Variants in SH2D4B observed in about 807,000 individuals in gnomAD.
SH2D4B encodes the protein SH2 domain-containing protein 4B.
SH2D4B carries 45 observed loss-of-function variants against 61.5 expected under a neutral mutation model. That is an observed-to-expected ratio of 0.73 (90% CI 0.58 to 0.94). SH2D4B has a LOEUF of 0.94. SH2D4B is among the 40% of genes least tolerant of loss of function. The pLI, the probability that SH2D4B is intolerant of heterozygous loss-of-function variation, is 0.00. For synonymous variants in SH2D4B, 224 were observed against 220.4 expected (o/e 1.02, Z -0.14); for missense variants, 572 against 574.2 (o/e 1.00, Z 0.04).
rs1198574578 is a variant in SH2D4B, at chr10:80,609,504, G to A, written c.941G>A (p.Arg314Gln). The A allele has an allele frequency of 1.1e-5, 18 of 1,614,100 alleles. No individual in the cohort carries two copies. The highest frequency in any genetic ancestry group is 2.2e-5 in the East Asian group (1 of 44,882). Residue 314 changes from arginine to glutamine, a missense_variant, in exon 6 of 8, where the codon CGA becomes CAA. Coordinates refer to ENST00000646907, the MANE Select transcript of SH2D4B (RefSeq NM_001388272.1). The part of the protein sequence containing the change: ...RWFKEEQLPR[R>Q]AGFERNTKFI... ...TTTAAGGAGGAGCAGCTGCCTCGCC[G>A]AGCTGGCTTCGAGAGGAACACCAAG...
Position 80,585,125 on chromosome 10 carries a change from A to G in SH2D4B, c.496-3505A>G, listed in dbSNP as rs149849174. Among the ~76,000 whole-genome samples the G allele has an allele frequency of 1.7e-3, 255 of 152,296 alleles. 1 individual carries two copies. Among genetic ancestry groups the G allele is most frequent in the African/African-American group, 5.9e-3 (246 of 41,566 alleles). ...ATACACACAGGTATAACTTTTTTAG[A>G]GCTCAGGAGTGGGACAGAAATGGGA... On this transcript the variant is annotated intron_variant, in intron 3 of 7. Coordinates refer to ENST00000646907, the MANE Select transcript of SH2D4B (RefSeq NM_001388272.1).
intron 5 of SH2D4B, among the ~76,000 whole-genome samples, chr10:80,606,229 A>G (rs923685388): frequency 6.7e-6 from 1 of 150,236 alleles, no homozygotes; most frequent in Non-Finnish European, 1.5e-5. Flanking sequence ...GCTTTGGGCC[A>G]AGTGGCCTCG....
At chr10:80,572,987 T>TATATTTA (rs1491317353) in intron 3 of SH2D4B, among the ~76,000 whole-genome samples, 1 of 4,548 alleles carries the variant, frequency 2.2e-4, no homozygotes, top group Non-Finnish European at 4.3e-4. Flanking sequence ...TATATATATA[T>TATATTTA]TTTTTTTTTT....
intron 3 of SH2D4B, among the ~76,000 whole-genome samples, chr10:80,587,462 A>G (rs1842273403): frequency 6.6e-6 from 1 of 152,076 alleles, no homozygotes; most frequent in Non-Finnish European, 1.5e-5. Flanking sequence ...TATTTTTAGT[A>G]GAGACGGGGT....
Position 80,603,943 on chromosome 10 carries a change from G to T in SH2D4B, c.860+148G>T, listed in dbSNP as rs867602833. The T allele has an allele frequency of 4.0e-5, 27 of 675,948 alleles. No individual in the cohort carries two copies. The South Asian group carries it at 5.4e-4, about 14-fold the overall frequency. 41.9% of individuals were successfully genotyped at this position (675,948 alleles called of 1,614,324 possible). A position where few individuals can be genotyped will look rare whatever the true frequency, so the allele number is the denominator to read the frequency against. On this transcript the variant is annotated intron_variant, in intron 5 of 7. Coordinates refer to ENST00000646907, the MANE Select transcript of SH2D4B (RefSeq NM_001388272.1). ...CTCTGGACTTCAGCCCTAGTCTAGG[G>T]TAGGAGAGGGAGGAGAGATGTGGGA... is the stretch of plus-strand genomic sequence containing the variant.
intron 4 of SH2D4B, among the ~76,000 whole-genome samples, chr10:80,599,142 C>T (rs765770596): frequency 5.9e-5 from 9 of 152,010 alleles, no homozygotes; most frequent in East Asian, 1.9e-4. Context: ...AAAAGGAGTG[C>T]GCACCAGAGT....
At position 80,609,442 on chromosome 10, in the gene SH2D4B, G is replaced by C; in HGVS notation, c.879G>C (p.Pro293=). 1 of 1,613,832 alleles carries C rather than the reference G, an allele frequency of 6.2e-7. No individual in the cohort carries two copies. Among genetic ancestry groups the C allele is most frequent in the Admixed American group, 1.7e-5 (1 of 59,992 alleles). The change falls in exon 6 of 8, where the codon CCG becomes CCC. Residue 293 remains proline, a synonymous_variant. Coordinates refer to ENST00000646907, the MANE Select transcript of SH2D4B (RefSeq NM_001388272.1). ...TCTTCAGCAGGACCTGGGAGCGCCC[G>C]CTGCGCCCAGTCTCCAGAGATGTCA... ...ALPVSRTWER[P]LRPVSRDVIV...
intron 7 of SH2D4B, among the ~76,000 whole-genome samples, chr10:80,638,050 GT>G (rs1463891730): frequency 6.6e-6 from 1 of 152,128 alleles, no homozygotes; most frequent in Non-Finnish European, 1.5e-5. Context: ...TAATCATGTG[GT>G]TTTTGTCATT....
intron 1 of SH2D4B, chr10:80,541,055 G>C (rs1202598227): frequency 6.5e-6 from 5 of 767,176 alleles, no homozygotes; most frequent in Non-Finnish European, 1.1e-5. Context: ...GTACACACTT[G>C]AGAGAGAAGT....
At chr10:80,542,781 C>T (rs1488572684) in intron 1 of SH2D4B, among the ~76,000 whole-genome samples, 1 of 152,058 alleles carries the variant, frequency 6.6e-6, no homozygotes, top group Non-Finnish European at 1.5e-5. Flanking sequence ...GATGCTTTTG[C>T]CTGGGAGCCA....
chr10:80,603,224 A>C (rs1842471928), intron 4 of SH2D4B, among the ~76,000 whole-genome samples: 1 of 152,060 alleles, frequency 6.6e-6, no homozygotes, highest in Admixed American at 6.5e-5. Context: ...GAAGAAATAG[A>C]TAGGGAGATG....
intron 3 of SH2D4B, among the ~76,000 whole-genome samples, chr10:80,580,234 C>T (rs1842172932): frequency 6.6e-6 from 1 of 152,112 alleles, no homozygotes; most frequent in South Asian, 2.1e-4. Flanking sequence ...GCTGGGAAGC[C>T]CAGCTTCTGG....
intron 6 of SH2D4B, among the ~76,000 whole-genome samples, chr10:80,627,079 A>C (rs1842774287): frequency 6.6e-6 from 1 of 152,184 alleles, no homozygotes; most frequent in African/African-American, 2.4e-5. Flanking sequence ...AGCGTCTCAC[A>C]GGAGCCTGAG....
At chr10:80,622,142 C>G (rs1276340153) in intron 6 of SH2D4B, among the ~76,000 whole-genome samples, 1 of 152,130 alleles carries the variant, frequency 6.6e-6, no homozygotes, top group Admixed American at 6.5e-5. Flanking sequence ...CTGCCCACCC[C>G]CATGGCTTAT....
At chr10:80,617,897 G>C (rs1380808933) in intron 6 of SH2D4B, among the ~76,000 whole-genome samples, 1 of 152,230 alleles carries the variant, frequency 6.6e-6, no homozygotes, top group Non-Finnish European at 1.5e-5. Context: ...CCCAGTATTA[G>C]TCCCAATAGT....
chr10:80,627,267 C>T (rs1842775861), intron 6 of SH2D4B, among the ~76,000 whole-genome samples: 1 of 152,180 alleles, frequency 6.6e-6, no homozygotes. Context: ...CCATTTTCCA[C>T]ACTTGAACAT....
intron 7 of SH2D4B, among the ~76,000 whole-genome samples, chr10:80,640,475 C>T (rs898175912): frequency 6.6e-6 from 1 of 152,154 alleles, no homozygotes; most frequent in Admixed American, 6.5e-5. Context: ...TTCTTGGAGG[C>T]TTTGTTCGGT....
intron 4 of SH2D4B, among the ~76,000 whole-genome samples, chr10:80,596,188 GGA>G (rs1315735906): frequency 1.3e-5 from 2 of 152,254 alleles, no homozygotes; most frequent in Non-Finnish European, 2.9e-5. Context: ...CATACGCTCA[GGA>G]GAGAGTGTTC....
At chr10:80,587,029 A>G (rs1842262250) in intron 3 of SH2D4B, among the ~76,000 whole-genome samples, 1 of 151,082 alleles carries the variant, frequency 6.6e-6, no homozygotes. Context: ...GAAGGAACAA[A>G]CTCCGGATAT....
Sources: allele counts gnomAD v4.1 joint callset (sites outside exome capture counted in the v4.1 genomes callset), GRCh38; gene constraint gnomAD v4.1.1; transcripts MANE v1.5; gene names NCBI Gene and HGNC (gene_info 2026-07-23, HGNC 2026-07-21).